The following TACR1 variants were observed in gnomAD, a reference collection of about 807,000 sequenced individuals.
TACR1 encodes the protein tachykinin receptor 1.
Under a neutral mutation model 35.8 loss-of-function variants are expected in TACR1, and 25 were observed. The ratio of observed to expected loss-of-function variants is 0.70; its 90% CI spans 0.51 to 0.98. The LOEUF is 0.98. Ranked by LOEUF, TACR1 falls within the 50% of genes least tolerant of loss-of-function variation. The probability of loss-of-function intolerance (pLI) is 0.00; values close to 1 mark genes in which losing one functional copy is unlikely to be tolerated. For missense variants in TACR1, 478 were observed against 522.9 expected (o/e 0.91, Z 0.84); for synonymous variants, 195 against 206.7 (o/e 0.94, Z 0.48).
intron 4 of TACR1, 161 bp downstream of exon 4, chr2:75,051,090 A>G (rs200098277): frequency 1.5e-5 from 13 of 871,514 alleles, no homozygotes; most frequent in Middle Eastern, 7.0e-4. Context: ...CTGGATGGTG[A>G]TAATCAGCCA....
intron 2 of TACR1, among the ~76,000 whole-genome samples, chr2:75,119,401 G>A (rs1005370496): frequency 2.0e-5 from 3 of 152,146 alleles, no homozygotes; most frequent in Non-Finnish European, 4.4e-5. Flanking sequence ...TTAAAATTCA[G>A]ATCTTTTGAT....
At chr2:75,155,492 C>T (rs1572963963) in intron 1 of TACR1, among the ~76,000 whole-genome samples, 1 of 135,962 alleles carries the variant, frequency 7.4e-6, no homozygotes, top group Admixed American at 6.9e-5. Context: ...CCCCATTCAA[C>T]CCCCACCTGA....
At chr2:75,142,529 G>A (rs1486104558) in intron 1 of TACR1, among the ~76,000 whole-genome samples, 1 of 152,194 alleles carries the variant, frequency 6.6e-6, no homozygotes, top group African/African-American at 2.4e-5. Flanking sequence ...TCCACTGGAG[G>A]GAAGAGGTCA....
chr2:75,103,329 C>T (rs964708547), intron 2 of TACR1, among the ~76,000 whole-genome samples: 9 of 151,984 alleles, frequency 5.9e-5, no homozygotes, highest in African/African-American at 2.2e-4. Flanking sequence ...ACACACGACA[C>T]AACACAAAAA....
intron 1 of TACR1, among the ~76,000 whole-genome samples, chr2:75,191,471 T>C (rs1333535910): frequency 6.6e-6 from 1 of 151,992 alleles, no homozygotes; most frequent in South Asian, 2.1e-4. Context: ...TATGCTTGGG[T>C]AGACGGGAGG....
chr2:75,116,878 C>T (rs1456141487), intron 2 of TACR1, among the ~76,000 whole-genome samples: 1 of 151,986 alleles, frequency 6.6e-6, no homozygotes, highest in Non-Finnish European at 1.5e-5. Flanking sequence ...CCATTGCACT[C>T]CAGCCTGGGA....
chr2:75,063,308 G>A (rs577199835), intron 2 of TACR1, among the ~76,000 whole-genome samples: 13 of 152,272 alleles, frequency 8.5e-5, no homozygotes, highest in Admixed American at 3.9e-4. Flanking sequence ...GTATATTGGG[G>A]TGGTCATATT....
In TACR1 at chr2:75,057,359, A is replaced by G. The variant is rs538964495; in HGVS notation, c.585-3604T>C. Among the ~76,000 whole-genome samples, 28 of 151,826 alleles carry G rather than the reference A, an allele frequency of 1.8e-4. No homozygotes were observed. In the East Asian group the frequency reaches 3.9e-3, roughly 21 times the overall value. On this transcript the variant is annotated intron_variant, in intron 2 of 4. Coordinates refer to ENST00000305249, the MANE Select transcript of TACR1 (RefSeq NM_001058.4). ...CTACCTACCCAAATCCTATAAAATG[A>G]CCCCACCCCTATCTCCCTTCACTGA...
chr2:75,146,290 T>G (rs1674510382), intron 1 of TACR1, among the ~76,000 whole-genome samples: 2 of 152,044 alleles, frequency 1.3e-5, no homozygotes, highest in Non-Finnish European at 2.9e-5. Flanking sequence ...GCCTGGCTAA[T>G]TTTTGTATTT....
intron 1 of TACR1, among the ~76,000 whole-genome samples, chr2:75,160,295 A>G (rs1674974733): frequency 1.3e-5 from 2 of 152,172 alleles, no homozygotes; most frequent in African/African-American, 4.8e-5. Flanking sequence ...CGTATTATAA[A>G]AGGAGGGGAA....
chr2:75,090,768 G>C (rs1045007982), intron 2 of TACR1: 1 of 153,974 alleles, frequency 6.5e-6, no homozygotes, highest in African/African-American at 2.4e-5. Context: ...CAGACCCATA[G>C]TGTCACCAAG....
chr2:75,062,707 A>C (rs1672693342), intron 2 of TACR1, among the ~76,000 whole-genome samples: 3 of 152,210 alleles, frequency 2.0e-5, no homozygotes, highest in Admixed American at 2.0e-4. Context: ...AAAAGGTTTG[A>C]TATATACTGT....
chr2:75,149,529 G>T (rs941622244), intron 1 of TACR1, among the ~76,000 whole-genome samples: 2 of 152,048 alleles, frequency 1.3e-5, no homozygotes, highest in African/African-American at 2.4e-5. Context: ...CTCATGATTT[G>T]GCTCTCTGCT....
chr2:75,184,872 A>G (rs1449478739), intron 1 of TACR1, among the ~76,000 whole-genome samples: 2 of 151,878 alleles, frequency 1.3e-5, no homozygotes, highest in African/African-American at 2.4e-5. Flanking sequence ...TACATAGACT[A>G]TGCATCATGT....
intron 2 of TACR1, among the ~76,000 whole-genome samples, chr2:75,084,713 G>T (rs540647298): frequency 6.6e-6 from 1 of 152,202 alleles, no homozygotes; most frequent in Non-Finnish European, 1.5e-5. Context: ...GTTTATTTGT[G>T]TAGAGGTGTT....
intron 1 of TACR1, among the ~76,000 whole-genome samples, chr2:75,125,767 G>T (rs1372246104): frequency 6.6e-6 from 1 of 152,182 alleles, no homozygotes; most frequent in African/African-American, 2.4e-5. Flanking sequence ...TAGACACCCA[G>T]GATCATCCTG....
At chr2:75,123,770 A>G (rs1011310895) in intron 1 of TACR1, among the ~76,000 whole-genome samples, 15 of 151,372 alleles carry the variant, frequency 9.9e-5, no homozygotes, top group African/African-American at 3.2e-4. Flanking sequence ...CTCGTTTAAC[A>G]TGTTTTTTTC....
chr2:75,197,863 T>C (rs571838787), intron 1 of TACR1, among the ~76,000 whole-genome samples: 1 of 152,216 alleles, frequency 6.6e-6, no homozygotes, highest in Non-Finnish European at 1.5e-5. Flanking sequence ...TTCTTAAGGA[T>C]AGCATAACTG....
intron 2 of TACR1, among the ~76,000 whole-genome samples, chr2:75,089,808 T>C (rs1673270848): frequency 6.6e-6 from 1 of 152,144 alleles, no homozygotes; most frequent in Non-Finnish European, 1.5e-5. Context: ...CTTGAAGGTC[T>C]TGGCTTTGTC....
Sources: gnomAD v4.1 joint callset for allele counts (sites outside exome capture counted in the v4.1 genomes callset) on GRCh38, gnomAD v4.1.1 for gene constraint, MANE v1.5 for transcripts, NCBI Gene and HGNC (gene_info 2026-07-23, HGNC 2026-07-21) for gene names.